Variants in PIGN observed in about 807,000 individuals in gnomAD.
The protein encoded by PIGN is GPI ethanolamine phosphate transferase 1.
Under a neutral mutation model 125.4 loss-of-function variants are expected in PIGN, and 117 were observed. That is an observed-to-expected ratio of 0.93 (90% CI 0.80 to 1.09). The LOEUF is 1.09. Ranked by LOEUF, PIGN falls within the 50% of genes least tolerant of loss-of-function variation. The probability of loss-of-function intolerance (pLI) is 0.00; values close to 1 mark genes in which losing one functional copy is unlikely to be tolerated. For synonymous variants in PIGN, 392 were observed against 377.8 expected, an observed-to-expected ratio of 1.04 and a Z score of -0.44; for missense variants, 1,075 against 1,094.9, an observed-to-expected ratio of 0.98 and a Z score of 0.26.
intron 14 of PIGN, among the ~76,000 whole-genome samples, chr18:62,133,788 A>G (rs1226640643): frequency 6.6e-6 from 1 of 152,198 alleles, no homozygotes; most frequent in Non-Finnish European, 1.5e-5. Context: ...TGATAAACAT[A>G]CTTTTAAAAA....
At chr18:62,147,558 G>A (rs984835280) in intron 8 of PIGN, among the ~76,000 whole-genome samples, 3 of 152,180 alleles carry the variant, frequency 2.0e-5, no homozygotes, top group Non-Finnish European at 4.4e-5. Flanking sequence ...CATTCGATAT[G>A]AATATTCCAT....
intron 15 of PIGN, 116 bp from the exon 16 acceptor site, chr18:62,113,432 T>C (rs2034962643): frequency 9.2e-6 from 6 of 652,434 alleles, no homozygotes; most frequent in Non-Finnish European, 1.5e-5. Context: ...AATTAGTGAA[T>C]AACTGTAGAT....
At chr18:62,053,664 G>A (rs1463423458) in intron 30 of PIGN, among the ~76,000 whole-genome samples, 1 of 152,170 alleles carries the variant, frequency 6.6e-6, no homozygotes. Context: ...ACAGACTTCA[G>A]AGCAAAGATA....
chr18:62,174,081 G>A (rs549158703), intron 1 of PIGN, among the ~76,000 whole-genome samples: 21 of 152,184 alleles, frequency 1.4e-4, no homozygotes, highest in Non-Finnish European at 2.9e-4. Context: ...GGGCATGGTG[G>A]CGGGCACCTG....
chr18:62,081,454 G>A (rs1164885559), intron 28 of PIGN, among the ~76,000 whole-genome samples: 1 of 152,128 alleles, frequency 6.6e-6, no homozygotes, highest in Non-Finnish European at 1.5e-5. Flanking sequence ...AAATGTCAGT[G>A]ACTTCTGAGT....
intron 14 of PIGN, among the ~76,000 whole-genome samples, chr18:62,127,497 C>A (rs890599779): frequency 2.6e-5 from 4 of 151,452 alleles, no homozygotes; most frequent in Non-Finnish European, 5.9e-5. Context: ...GCCGAAGTAT[C>A]TGTAATAACA....
At chr18:62,114,903 G>C (rs944573099) in intron 14 of PIGN, among the ~76,000 whole-genome samples, 7 of 152,270 alleles carry the variant, frequency 4.6e-5, no homozygotes, top group Admixed American at 3.9e-4. Flanking sequence ...CTGAAGAAAT[G>C]TAATACTCTG....
intron 23 of PIGN, 65 bp downstream of exon 23, chr18:62,095,782 AG>A (rs1371481840): frequency 2.4e-6 from 2 of 837,642 alleles, no homozygotes; most frequent in East Asian, 5.3e-5. Context: ...AAATACTAAT[AG>A]AGAAAATATC....
At chr18:62,151,559 C>T (rs913627541) in intron 7 of PIGN, among the ~76,000 whole-genome samples, 2 of 152,168 alleles carry the variant, frequency 1.3e-5, no homozygotes, top group Non-Finnish European at 2.9e-5. Flanking sequence ...TGCATGCGGG[C>T]GCCCCACCCT....
chr18:62,114,295 G>A (rs1285031504), intron 15 of PIGN, among the ~76,000 whole-genome samples: 1 of 151,718 alleles, frequency 6.6e-6, no homozygotes, highest in Non-Finnish European at 1.5e-5. Flanking sequence ...CTGGGAGGCG[G>A]AGGTTGCAGT....
intron 30 of PIGN, among the ~76,000 whole-genome samples, chr18:62,056,030 A>C (rs994083272): frequency 7.0e-6 from 1 of 143,234 alleles, no homozygotes; most frequent in South Asian, 2.4e-4. Flanking sequence ...AAGTTGGTGC[A>C]AAAGTAATTG....
chr18:62,066,769 T>A (rs2032546784), intron 30 of PIGN, among the ~76,000 whole-genome samples: 1 of 152,216 alleles, frequency 6.6e-6, no homozygotes, highest in Non-Finnish European at 1.5e-5. Flanking sequence ...GGGCCCCACA[T>A]AATGCCTTCA....
At chr18:62,138,743 G>T (rs941395352) in intron 13 of PIGN, among the ~76,000 whole-genome samples, 69 of 152,052 alleles carry the variant, frequency 4.5e-4, no homozygotes, top group African/African-American at 1.6e-3. Flanking sequence ...TGTAGTCTTT[G>T]TAAGCATATG....
intron 30 of PIGN, among the ~76,000 whole-genome samples, chr18:62,046,451 C>T (rs1043602610): frequency 9.3e-5 from 9 of 96,264 alleles, no homozygotes; most frequent in Admixed American, 2.7e-4. Flanking sequence ...CAGAGGAGCA[C>T]GAACCCTGTC....
chr18:62,138,091 A>G (rs1480340860), intron 14 of PIGN, 152 bp downstream of exon 14: 1 of 1,066,938 alleles, frequency 9.4e-7, no homozygotes, highest in East Asian at 2.9e-5. Context: ...ATTTAACAAC[A>G]GCAATAGAAG....
chr18:62,089,522 T>C (rs73964840), intron 24 of PIGN, among the ~76,000 whole-genome samples: 116 of 152,264 alleles, frequency 7.6e-4, no homozygotes, highest in African/African-American at 2.3e-3. Context: ...GTTAAAAACA[T>C]AGAATTTAAA....
At chr18:62,116,171 A>G (rs1008689678) in intron 14 of PIGN, among the ~76,000 whole-genome samples, 1 of 152,250 alleles carries the variant, frequency 6.6e-6, no homozygotes, top group African/African-American at 2.4e-5. Flanking sequence ...GTACCTTCAG[A>G]TACCACACAT....
chr18:62,071,660 T>A (rs1434156228), intron 30 of PIGN, among the ~76,000 whole-genome samples: 1 of 151,900 alleles, frequency 6.6e-6, no homozygotes, highest in African/African-American at 2.4e-5. Context: ...TAGCGCAGTG[T>A]CTTTGCAGCA....
Position 62,084,557 on chromosome 18 carries a change from T to C in PIGN, c.2476A>G (p.Met826Val), listed in dbSNP as rs1298359810. The change falls in exon 27 of 31, where the codon ATG (methionine) becomes GTG (valine). Residue 826 changes from methionine (M) to valine (V), a missense_variant. Physicochemically the swap from Met to Val is conservative, Grantham distance 21. Coordinates refer to ENST00000640252, the MANE Select transcript of PIGN (RefSeq NM_176787.5). ...YCFLTVFSPF[M>V]MGALMMWKIL... ...TTCCACATCATCAGGGCTCCCATCA[T>C]AAAAGGACTGAACACAGTCAGAAAG... is the stretch of plus-strand genomic sequence containing the variant. 1 of 1,558,470 alleles carries C rather than the reference T, an allele frequency of 6.4e-7. No homozygotes were observed.
Sources: gnomAD v4.1 joint callset for allele counts (sites outside exome capture counted in the v4.1 genomes callset) on GRCh38, gnomAD v4.1.1 for gene constraint, MANE v1.5 for transcripts, NCBI Gene and HGNC (gene_info 2026-07-23, HGNC 2026-07-21) for gene names.